Variants in TMEM178B observed in about 807,000 individuals in gnomAD.
TMEM178B encodes the protein transmembrane protein 178B.
Under a neutral mutation model 31.0 loss-of-function variants are expected in TMEM178B, and 5 were observed. That is an observed-to-expected ratio of 0.16 (90% confidence interval 0.08 to 0.34). The LOEUF (loss-of-function observed/expected upper bound fraction) is 0.34. Ranked by LOEUF, TMEM178B falls within the 10% of genes least tolerant of loss-of-function variation. The pLI is 1.00. For missense variants in TMEM178B, 275 were observed against 400.3 expected (o/e 0.69, Z 2.67); for synonymous variants, 164 against 164.0 (o/e 1.00, Z 0.00).
intron 3 of TMEM178B, among the ~76,000 whole-genome samples, chr7:141,469,654 G>A (rs1802203711): frequency 6.6e-6 from 1 of 152,020 alleles, no homozygotes; most frequent in East Asian, 1.9e-4. Flanking sequence ...CAGAAAACAC[G>A]GCAAATGCAG....
the TMEM178B span, among the ~76,000 whole-genome samples, chr7:141,488,838 A>T: frequency 6.6e-6 from 1 of 152,000 alleles, no homozygotes; most frequent in Non-Finnish European, 1.5e-5. Flanking sequence ...AAAAAAAAAG[A>T]TGTCAGTTTA....
At chr7:141,313,740 G>A (rs1554474495) in intron 2 of TMEM178B, among the ~76,000 whole-genome samples, 1 of 148,796 alleles carries the variant, frequency 6.7e-6, no homozygotes, top group Non-Finnish European at 1.5e-5. Context: ...GAATGGAGAT[G>A]TGGCTTCCCG....
chr7:141,345,962 A>G (rs1418168681), intron 2 of TMEM178B, among the ~76,000 whole-genome samples: 1 of 152,144 alleles, frequency 6.6e-6, no homozygotes, highest in Admixed American at 6.5e-5. Flanking sequence ...CTTATCTATG[A>G]AATTTATATT....
chr7:141,151,316 C>A (rs374448947), intron 1 of TMEM178B, among the ~76,000 whole-genome samples: 2 of 152,194 alleles, frequency 1.3e-5, no homozygotes, highest in Non-Finnish European at 2.9e-5. Flanking sequence ...TTAGACCTCA[C>A]CACAACCCTG....
intron 3 of TMEM178B, among the ~76,000 whole-genome samples, chr7:141,441,488 C>T (rs1801656643): frequency 6.6e-6 from 1 of 152,156 alleles, no homozygotes; most frequent in African/African-American, 2.4e-5. Context: ...AGGTTGCTCA[C>T]CCAGGCTCAG....
At chr7:141,292,010 A>G (rs1332803260) in intron 2 of TMEM178B, among the ~76,000 whole-genome samples, 1 of 150,244 alleles carries the variant, frequency 6.7e-6, no homozygotes, top group African/African-American at 2.5e-5. Context: ...CATCTTGGAT[A>G]CACATTATGG....
intron 1 of TMEM178B, among the ~76,000 whole-genome samples, chr7:141,105,151 G>A (rs1336321860): frequency 6.6e-6 from 1 of 152,166 alleles, no homozygotes; most frequent in African/African-American, 2.4e-5. Flanking sequence ...GAAAAAGGAA[G>A]GGCCAGCTGG....
intron 2 of TMEM178B, among the ~76,000 whole-genome samples, chr7:141,272,546 C>T (rs1411963032): frequency 6.6e-6 from 1 of 152,100 alleles, no homozygotes; most frequent in Non-Finnish European, 1.5e-5. Context: ...AAAACAAAAC[C>T]TCCATTTTGA....
chr7:141,438,474 A>C (rs1801591552), intron 3 of TMEM178B, among the ~76,000 whole-genome samples: 1 of 151,944 alleles, frequency 6.6e-6, no homozygotes, highest in Admixed American at 6.6e-5. Context: ...CCCAAGCTGA[A>C]GTTGACCACT....
chr7:141,369,340 T>C (rs1415916194), intron 2 of TMEM178B, among the ~76,000 whole-genome samples: 3 of 150,890 alleles, frequency 2.0e-5, no homozygotes, highest in Non-Finnish European at 4.4e-5. Flanking sequence ...TGTGTGTGTG[T>C]GTGTGTGTGT....
At chr7:141,255,902 G>A (rs778733797) in intron 2 of TMEM178B, among the ~76,000 whole-genome samples, 19 of 152,152 alleles carry the variant, frequency 1.2e-4, no homozygotes, top group African/African-American at 3.6e-4. Flanking sequence ...ATCAGGCATC[G>A]AGAGAACTGT....
chr7:141,460,057 T>C (rs1802035011), intron 3 of TMEM178B, among the ~76,000 whole-genome samples: 1 of 152,244 alleles, frequency 6.6e-6, no homozygotes, highest in South Asian at 2.1e-4. Context: ...ACACAGATAT[T>C]CTTATTTCAT....
chr7:141,416,618 C>G (rs1416724515), intron 2 of TMEM178B, among the ~76,000 whole-genome samples: 1 of 152,206 alleles, frequency 6.6e-6, no homozygotes, highest in Non-Finnish European at 1.5e-5. Context: ...TTTGGGAGAA[C>G]TGAAAAACAA....
chr7:141,446,219 A>C (rs1009046760), intron 3 of TMEM178B, among the ~76,000 whole-genome samples: 19 of 152,166 alleles, frequency 1.2e-4, no homozygotes, highest in Non-Finnish European at 1.5e-4. Flanking sequence ...GACCCAAAGG[A>C]GTTTCACCTT....
chr7:141,319,567 T>C (rs1470437846), intron 2 of TMEM178B, among the ~76,000 whole-genome samples: 1 of 152,210 alleles, frequency 6.6e-6, no homozygotes, highest in Non-Finnish European at 1.5e-5. Flanking sequence ...CTTTCTTTTT[T>C]TTTGAGACGG....
At chr7:141,184,835 G>C (rs112078462) in intron 1 of TMEM178B, among the ~76,000 whole-genome samples, 4,393 of 152,246 alleles carry the variant, frequency 0.029, 174 homozygotes, top group African/African-American at 0.09. Context: ...CCGACTCATT[G>C]ATCCTTGGTA....
intron 2 of TMEM178B, among the ~76,000 whole-genome samples, chr7:141,235,715 C>T (rs557830365): frequency 6.6e-6 from 1 of 152,326 alleles, no homozygotes; most frequent in South Asian, 2.1e-4. Flanking sequence ...ATTGTCTATG[C>T]ATATGTTAGT....
intron 2 of TMEM178B, among the ~76,000 whole-genome samples, chr7:141,350,814 A>G (rs73520605): frequency 1.5e-4 from 23 of 152,282 alleles, no homozygotes; most frequent in African/African-American, 5.5e-4. Context: ...ACTTCCCTGA[A>G]GGTTTTATAG....
At chr7:141,217,607 C>T (rs1797180674) in intron 2 of TMEM178B, among the ~76,000 whole-genome samples, 1 of 151,784 alleles carries the variant, frequency 6.6e-6, no homozygotes, top group African/African-American at 2.4e-5. Context: ...GAGCGAGACT[C>T]CATCTCAAAT....
Sources: allele counts gnomAD v4.1 joint callset (sites outside exome capture counted in the v4.1 genomes callset), GRCh38; gene constraint gnomAD v4.1.1; transcripts MANE v1.5; gene names NCBI Gene and HGNC (gene_info 2026-07-23, HGNC 2026-07-21).